The following GTF2IRD2 variants were observed in gnomAD, a reference collection of about 807,000 sequenced individuals.
GTF2IRD2 encodes GTF2I repeat domain containing 2, also known as general transcription factor II-I repeat domain-containing protein 2A.
GTF2IRD2 carries 8 observed loss-of-function variants against 49.2 expected under a neutral mutation model. The ratio of observed to expected loss-of-function variants is 0.16; its 90% CI spans 0.10 to 0.29. The LOEUF is 0.29. GTF2IRD2 is among the 10% of genes least tolerant of loss of function. The pLI is 1.00. For missense variants in GTF2IRD2, 130 were observed against 725.7 expected, an observed-to-expected ratio of 0.18 and a Z score of 9.43; for synonymous variants, 47 against 289.7, an observed-to-expected ratio of 0.16 and a Z score of 8.51.
At chr7:74,824,891 C>T in intron 4 of GTF2IRD2, 42 bp downstream of exon 4, 1 of 545,398 alleles carries the variant, frequency 1.8e-6, no homozygotes, top group Non-Finnish European at 2.4e-6. Context: ...GACTCCATCT[C>T]AAAAAAAAAA....
intron 14 of GTF2IRD2, among the ~76,000 whole-genome samples, 154 bp downstream of exon 14, chr7:74,803,141 CAGA>C (rs1231809649): frequency 6.9e-6 from 1 of 145,800 alleles, no homozygotes; most frequent in Non-Finnish European, 1.5e-5. Flanking sequence ...CTCAAGGAAG[CAGA>C]AGATGATGAA....
At chr7:74,813,580 T>G (rs1223954101) in intron 8 of GTF2IRD2, among the ~76,000 whole-genome samples, 10 of 69,142 alleles carry the variant, frequency 1.4e-4, no homozygotes, top group African/African-American at 3.2e-4. Context: ...AACCATTTTT[T>G]TTTTTTTGAG....
intron 3 of GTF2IRD2, among the ~76,000 whole-genome samples, chr7:74,829,887 C>CAAAAAAACAAAAAA (rs199938539): frequency 0.027 from 1,558 of 58,714 alleles, 22 homozygotes; most frequent in Middle Eastern, 0.061. Flanking sequence ...GATTCTGTCT[C>CAAAAAAACAAAAAA]AAAAAAAAAA....
At chr7:74,818,785 G>GTTC (rs782112850) in intron 8 of GTF2IRD2, 3 of 151,042 alleles carry the variant, frequency 2.0e-5, no homozygotes, top group East Asian at 1.9e-4. Flanking sequence ...TAAAATAATG[G>GTTC]TTCTGCAAAT....
intron 1 of GTF2IRD2, among the ~76,000 whole-genome samples, chr7:74,846,787 T>G (rs1479525904): frequency 1.8e-5 from 1 of 56,912 alleles, no homozygotes; most frequent in African/African-American, 5.1e-5. Flanking sequence ...CAGCTTACCA[T>G]GCGCCTGGCT....
chr7:74,831,576 T>C, intron 3 of GTF2IRD2, among the ~76,000 whole-genome samples: 1 of 143,952 alleles, frequency 6.9e-6, no homozygotes, highest in East Asian at 2.1e-4. Context: ...TTTCTGATTT[T>C]TATCCTTTCA....
chr7:74,823,513 TAG>T (rs1207797467), intron 4 of GTF2IRD2, among the ~76,000 whole-genome samples: 2 of 60,150 alleles, frequency 3.3e-5, no homozygotes, highest in African/African-American at 1.2e-4. Context: ...TTTTATTTTG[TAG>T]AGACAGGGTC....
intron 4 of GTF2IRD2, among the ~76,000 whole-genome samples, chr7:74,823,632 AT>A (rs1219480431): frequency 0.94 from 59,244 of 63,290 alleles, 27,935 homozygotes; most frequent in East Asian, 0.99. Context: ...TGCCCAGCGT[AT>A]TTTTTTTTTT....
At chr7:74,818,458 CTT>C (rs782068970) in intron 8 of GTF2IRD2, among the ~76,000 whole-genome samples, 2 of 129,472 alleles carry the variant, frequency 1.5e-5, no homozygotes, top group African/African-American at 3.0e-5. Context: ...CTCTCTCTCT[CTT>C]TTTTTTTTTT....
chr7:74,824,135 C>T (rs1285907371), intron 4 of GTF2IRD2, among the ~76,000 whole-genome samples: 5 of 128,818 alleles, frequency 3.9e-5, no homozygotes, highest in South Asian at 5.7e-4. Context: ...CACTGCACTC[C>T]AGCCCGGGCA....
At position 74,836,192 on chromosome 7, in the gene GTF2IRD2, A is replaced by T; in HGVS notation, c.99+88T>A. On this transcript the variant is annotated intron_variant, in intron 2 of 15. Coordinates refer to ENST00000451013, the MANE Select transcript of GTF2IRD2 (RefSeq NM_173537.5). The stretch of plus-strand genomic sequence containing the variant: ...TCTTAAAAAAAAGAAAAGAAAAAAA[A>T]CAAAAGGGATACTGAAGTGTTTCAT... 4 of 1,519,796 alleles carry T rather than the reference A, an allele frequency of 2.6e-6. 1 individual carries two copies. The highest frequency in any genetic ancestry group is 2.7e-6 in the Non-Finnish European group (3 of 1,117,918). The allele number at this position is 1,519,796 out of a possible 1,614,324, so 94.1% of individuals were successfully genotyped here. A position where few individuals can be genotyped will look rare whatever the true frequency, so the allele number is the denominator to read the frequency against.
At chr7:74,822,878 T>C (rs587686499) in intron 4 of GTF2IRD2, 71 bp from the exon 5 acceptor site, 4 of 1,526,184 alleles carry the variant, frequency 2.6e-6, no homozygotes, top group East Asian at 2.3e-5. Context: ...TGTTTGTTTT[T>C]TGTTTTTTGT....
intron 3 of GTF2IRD2, among the ~76,000 whole-genome samples, chr7:74,827,080 T>C (rs2131741819): frequency 6.6e-6 from 1 of 150,642 alleles, no homozygotes; most frequent in African/African-American, 2.4e-5. Flanking sequence ...TCCCGTCATC[T>C]GGTGATGGAT....
chr7:74,817,140 C>T lies in GTF2IRD2; in HGVS notation c.670+2414G>A, dbSNP rs1798575270. Among the ~76,000 whole-genome samples, 2 of 33,954 alleles carry T rather than the reference C, an allele frequency of 5.9e-5. 1 individual carries two copies. The highest frequency in any genetic ancestry group is 2.1e-3 in the South Asian group (2 of 954). The allele number at this position is 33,954 out of a possible 152,430, so 22.3% of individuals were successfully genotyped here. A position where few individuals can be genotyped will look rare whatever the true frequency, so the allele number is the denominator to read the frequency against. ...AGTCTCGGCTCACAGCAAACTCTGC[C>T]TCCTGGGTTCAAGCGATTCTCCTGT... On this transcript the variant is annotated intron_variant, in intron 8 of 15. Transcript: ENST00000451013.
chr7:74,836,238 G>T, intron 2 of GTF2IRD2, 42 bp downstream of exon 2: 2 of 1,602,460 alleles, frequency 1.2e-6, no homozygotes, highest in Non-Finnish European at 1.7e-6. Flanking sequence ...TTTCGACAAT[G>T]ATCCATCTAT....
chr7:74,840,824 C>T (rs1450124297), intron 1 of GTF2IRD2, among the ~76,000 whole-genome samples: 1 of 138,856 alleles, frequency 7.2e-6, no homozygotes, highest in Non-Finnish European at 1.5e-5. Flanking sequence ...GAAGAAGATA[C>T]TAAATCAACT....
chr7:74,829,554 G>C (rs1377077225), intron 3 of GTF2IRD2, among the ~76,000 whole-genome samples: 1 of 146,640 alleles, frequency 6.8e-6, no homozygotes, highest in African/African-American at 2.5e-5. Context: ...AAATCTCAAG[G>C]GCACTTCTCG....
Position 74,851,424 on chromosome 7 carries a change from G to GA in GTF2IRD2, c.-64dup, listed in dbSNP as rs1801580191. 2 of 46,434 alleles carry GA rather than the reference G, an allele frequency of 4.3e-5. 1 individual carries two copies. The highest frequency in any genetic ancestry group is 7.4e-5 in the Non-Finnish European group (2 of 26,918). 2.9% of individuals were successfully genotyped at this position (46,434 alleles called of 1,614,324 possible). On this transcript the variant is annotated 5_prime_UTR_variant, in exon 1 of 16. Transcript: ENST00000451013. ...GGAGTCCGAGGCCTGGGCCACCGGG[G>GA]AGCAGCCGATGGCCGAGGGCGGCGG...
chr7:74,796,465 G>A lies in GTF2IRD2; in HGVS notation c.*197C>T. 1 of 549,922 alleles carries A rather than the reference G, an allele frequency of 1.8e-6. No homozygotes were observed. The highest frequency in any genetic ancestry group is 2.0e-5 in the South Asian group (1 of 50,024). 34.1% of individuals were successfully genotyped at this position (549,922 alleles called of 1,614,324 possible). A position where few individuals can be genotyped will look rare whatever the true frequency, so the allele number is the denominator to read the frequency against. On this transcript the variant is annotated 3_prime_UTR_variant, in exon 16 of 16. Transcript: ENST00000451013. ...TAGTCCCAGCTGCTCGGGAGGCTGA[G>A]GCAGGAGAATCGTTCGAACCCAGGA...
Sources: allele counts gnomAD v4.1 joint callset (sites outside exome capture counted in the v4.1 genomes callset), GRCh38; gene constraint gnomAD v4.1.1; transcripts MANE v1.5; gene names NCBI Gene and HGNC (gene_info 2026-07-23, HGNC 2026-07-21).